The following ITGB3 variants were observed in gnomAD, a reference collection of about 807,000 sequenced individuals.
The protein encoded by ITGB3 is integrin beta-3.
In ITGB3, 48 loss-of-function variants were observed where a neutral mutation model predicts 85.8. The observed-to-expected ratio is 0.56, with a 90% CI of 0.44 to 0.71. ITGB3 has a LOEUF of 0.71. Ranked by LOEUF, ITGB3 falls within the 30% of genes least tolerant of loss-of-function variation. The probability of loss-of-function intolerance (pLI) is 0.00; values close to 1 mark genes in which losing one functional copy is unlikely to be tolerated. For synonymous variants in ITGB3, 363 were observed against 395.6 expected (o/e 0.92, Z 0.98); for missense variants, 861 against 1,019.1 (o/e 0.84, Z 2.11).
Position 47,289,787 on chromosome 17 carries a change from C to T in ITGB3, c.1035+11C>T. On this transcript the variant is annotated intron_variant, in intron 7 of 14. Coordinates refer to ENST00000559488, the MANE Select transcript of ITGB3 (RefSeq NM_000212.3). ...GTCAATCTCTATCAGGTGACTGTGC[C>T]TTCGGGCTTCCTGGAGTGGGCCCTG... 3 of 1,602,962 alleles carry T rather than the reference C, an allele frequency of 1.9e-6. No homozygotes were observed. Among genetic ancestry groups the T allele is most frequent in the Non-Finnish European group, 2.6e-6 (3 of 1,169,882 alleles).
At position 47,299,003 on chromosome 17, in the gene ITGB3, C is replaced by G. The variant is rs934313867; in HGVS notation, c.1691-305C>G. On this transcript the variant is annotated intron_variant, in intron 10 of 14. Coordinates refer to ENST00000559488, the MANE Select transcript of ITGB3 (RefSeq NM_000212.3). This position sits in a 1 kb window ranked among gnomAD's most constrained non-coding sequence, Gnocchi z 5.1. ...CTAAGCCTCCTACCCTTTCTCTTGC[C>G]TTTCTCAGAAGGCAGAGGTATTCAG... Among the ~76,000 whole-genome samples, 2 of 152,192 alleles carry G rather than the reference C, an allele frequency of 1.3e-5. No individual in the cohort carries two copies. The highest frequency in any genetic ancestry group is 2.4e-5 in the African/African-American group (1 of 41,456).
At chr17:47,254,427 AT>A (rs1329357993) in intron 1 of ITGB3, among the ~76,000 whole-genome samples, 1 of 151,260 alleles carries the variant, frequency 6.6e-6, no homozygotes, top group African/African-American at 2.4e-5. Context: ...CACATTTCCA[AT>A]TTCTCCTGTT....
chr17:47,264,398 G>T (rs767972736), intron 1 of ITGB3, among the ~76,000 whole-genome samples: 12 of 152,218 alleles, frequency 7.9e-5, no homozygotes, highest in Non-Finnish European at 1.2e-4. Flanking sequence ...GACCACATCA[G>T]TGGCTCCGCT....
In ITGB3 at chr17:47,299,252, C is replaced by A; in HGVS notation, c.1691-56C>A. ...CAGGATGGTCGTGTGTAGCCTGCTG[C>A]CATGGGAGTGGAGCTCTCGCCAGCG... On this transcript the variant is annotated intron_variant, in intron 10 of 14. Transcript: ENST00000559488. This position sits in a 1 kb window ranked among gnomAD's most constrained non-coding sequence, Gnocchi z 5.1. The A allele has an allele frequency of 6.6e-7, 1 of 1,512,008 alleles. No homozygotes were observed. The highest frequency in any genetic ancestry group is 9.1e-7 in the Non-Finnish European group (1 of 1,094,096). 93.7% of individuals were successfully genotyped at this position (1,512,008 alleles called of 1,614,324 possible).
chr17:47,307,736 G>A (rs907061793), intron 14 of ITGB3, 99 bp downstream of exon 14: 16 of 1,146,764 alleles, frequency 1.4e-5, no homozygotes, highest in African/African-American at 7.6e-5. Flanking sequence ...CAGTACCATC[G>A]TCTTTCCATT....
intron 4 of ITGB3, among the ~76,000 whole-genome samples, chr17:47,285,660 A>G (rs578133878): frequency 1.3e-5 from 2 of 152,256 alleles, no homozygotes; most frequent in South Asian, 2.1e-4. Context: ...GTGGCATTCA[A>G]CCTTCTATCT....
chr17:47,262,442 G>A (rs1036030741), intron 1 of ITGB3, among the ~76,000 whole-genome samples: 1 of 152,224 alleles, frequency 6.6e-6, no homozygotes, highest in African/African-American at 2.4e-5. Context: ...CAGGCCATCA[G>A]GAAGAAATGG....
intron 14 of ITGB3, among the ~76,000 whole-genome samples, chr17:47,308,338 G>A (rs181908339): frequency 4.0e-5 from 6 of 149,810 alleles, no homozygotes; most frequent in African/African-American, 1.2e-4. Flanking sequence ...TTTTTTCCTC[G>A]ACCCTCCAAA....
intron 14 of ITGB3, among the ~76,000 whole-genome samples, chr17:47,307,881 C>A (rs1019810628): frequency 3.3e-5 from 5 of 152,098 alleles, no homozygotes; most frequent in Non-Finnish European, 7.3e-5. Flanking sequence ...ATGGTTACTT[C>A]CAGGCTGGGC....
Position 47,292,282 on chromosome 17 carries a change from A to C in ITGB3, c.1404A>C (p.Glu468Asp), listed in dbSNP as rs1567766808. The C allele has an allele frequency of 1.2e-6, 2 of 1,614,186 alleles. No individual in the cohort carries two copies. Among genetic ancestry groups the C allele is most frequent in the Non-Finnish European group, 1.7e-6 (2 of 1,180,030 alleles). Reference protein sequence around the residue: ...DCDCACQAQAEPNSHRCNNGN... With the variant: ...DCDCACQAQADPNSHRCNNGN... ...ACTGTGCCTGCCAGGCCCAAGCTGAACCTAATAGCCATCGCTGCAACAATG... is the reference window on the plus strand; with the variant it reads ...ACTGTGCCTGCCAGGCCCAAGCTGACCCTAATAGCCATCGCTGCAACAATG... The change falls in exon 10 of 15, where the codon GAA becomes GAC. Residue 468 changes from glutamate (E) to aspartate (D), a missense_variant. Physicochemically the swap from Glu to Asp is conservative, Grantham distance 45 (BLOSUM62 2). Coordinates refer to ENST00000559488, the MANE Select transcript of ITGB3 (RefSeq NM_000212.3).
chr17:47,297,881 C>CA (rs10665875), intron 10 of ITGB3, among the ~76,000 whole-genome samples: 15,096 of 115,634 alleles, frequency 0.13, 1,447 homozygotes, highest in East Asian at 0.35. Context: ...GACTCTGTCT[C>CA]AAAAAAAAAA....
At chr17:47,276,037 G>A (rs1348934667) in intron 2 of ITGB3, among the ~76,000 whole-genome samples, 1 of 152,158 alleles carries the variant, frequency 6.6e-6, no homozygotes, top group East Asian at 1.9e-4. Flanking sequence ...CTGAATGCTG[G>A]AAGAAGAGAG....
intron 2 of ITGB3, among the ~76,000 whole-genome samples, chr17:47,276,249 G>T (rs979405656): frequency 2.6e-5 from 4 of 152,170 alleles, no homozygotes; most frequent in Admixed American, 2.0e-4. Context: ...GGTCTGTCCT[G>T]CTCCCTATCC....
chr17:47,309,244 G>A (rs1399749888), intron 14 of ITGB3, among the ~76,000 whole-genome samples: 1 of 151,496 alleles, frequency 6.6e-6, no homozygotes, highest in Non-Finnish European at 1.5e-5. Flanking sequence ...GTAGAGACAG[G>A]GTCTCACTCT....
rs1684756738 is a variant in ITGB3, at chr17:47,312,535, A to T, written c.*2331A>T. Among the ~76,000 whole-genome samples the T allele has an allele frequency of 6.6e-6, 1 of 152,234 alleles. No homozygotes were observed. The highest frequency in any genetic ancestry group is 2.1e-4 in the South Asian group (1 of 4,834). Reference sequence around the variant, plus strand: ...GGTGTGGTGGCTCACGCCTGTGATTATAATCTTCAGTTACTAAGACAGAGT... The same window carrying T: ...GGTGTGGTGGCTCACGCCTGTGATTTTAATCTTCAGTTACTAAGACAGAGT... On this transcript the variant is annotated 3_prime_UTR_variant, in exon 15 of 15. Transcript: ENST00000559488.
At chr17:47,258,020 C>G (rs1004941451) in intron 1 of ITGB3, among the ~76,000 whole-genome samples, 4 of 152,204 alleles carry the variant, frequency 2.6e-5, no homozygotes, top group Non-Finnish European at 5.9e-5. Flanking sequence ...CTCCCAGTCC[C>G]AAGAACCCTT....
At chr17:47,262,150 C>T (rs989333395) in intron 1 of ITGB3, among the ~76,000 whole-genome samples, 2 of 152,168 alleles carry the variant, frequency 1.3e-5, no homozygotes, top group Middle Eastern at 3.2e-3. Context: ...TCAATTTGTC[C>T]TCCCAAACGG....
chr17:47,263,809 C>T (rs939845617), intron 1 of ITGB3, among the ~76,000 whole-genome samples: 1 of 152,178 alleles, frequency 6.6e-6, no homozygotes, highest in Admixed American at 6.5e-5. Context: ...TATTTTCTTA[C>T]AGCATGAAGG....
At chr17:47,300,289 C>T (rs1275252919) in intron 11 of ITGB3, among the ~76,000 whole-genome samples, 189 bp from the exon 12 acceptor site, 4 of 152,106 alleles carry the variant, frequency 2.6e-5, no homozygotes, top group African/African-American at 4.8e-5. Context: ...CACTCCCACC[C>T]CTGAACTCCA....
Sources: gnomAD v4.1 joint callset for allele counts (sites outside exome capture counted in the v4.1 genomes callset) on GRCh38, gnomAD v4.1.1 for gene constraint, Gnocchi (gnomAD v3.1) non-coding constraint, MANE v1.5 for transcripts, NCBI Gene and HGNC (gene_info 2026-07-23, HGNC 2026-07-21) for gene names.